The following GRM7 variants were observed in gnomAD, a reference collection of about 807,000 sequenced individuals.
GRM7 encodes metabotropic glutamate receptor 7.
A neutral mutation model predicts 84.5 loss-of-function variants in GRM7; 35 were observed. That is an observed-to-expected ratio of 0.41 (90% CI 0.32 to 0.55). The LOEUF (loss-of-function observed/expected upper bound fraction) is 0.55. Ranked by LOEUF, GRM7 falls within the 20% of genes least tolerant of loss-of-function variation. The pLI, the probability that GRM7 is intolerant of heterozygous loss-of-function variation, is 0.19. For synonymous variants in GRM7, 487 were observed against 455.1 expected (o/e 1.07, Z -0.89); for missense variants, 1,003 against 1,194.6 (o/e 0.84, Z 2.36).
chr3:7,571,711 T>G (rs1694670751), intron 7 of GRM7, among the ~76,000 whole-genome samples: 1 of 152,168 alleles, frequency 6.6e-6, no homozygotes, highest in Non-Finnish European at 1.5e-5. Context: ...CTTCCACATT[T>G]TCAGGTATCT....
chr3:7,312,252 C>T (rs1159927136), intron 4 of GRM7, among the ~76,000 whole-genome samples: 2 of 152,136 alleles, frequency 1.3e-5, no homozygotes, highest in Non-Finnish European at 2.9e-5. Flanking sequence ...TCTGACACCA[C>T]ATGCGGTGTC....
intron 4 of GRM7, among the ~76,000 whole-genome samples, chr3:7,338,687 TCACTGGAC>T (rs1701521068): frequency 6.6e-6 from 1 of 152,062 alleles, no homozygotes; most frequent in South Asian, 2.1e-4. Context: ...TGTATTGAGA[TCACTGGAC>T]CACTGGTATT....
intron 4 of GRM7, among the ~76,000 whole-genome samples, chr3:7,381,351 T>G (rs1302328408): frequency 6.6e-6 from 1 of 152,188 alleles, no homozygotes; most frequent in African/African-American, 2.4e-5. Context: ...CCCTACTCAT[T>G]AATATATTCT....
At chr3:6,921,253 G>A (rs1426050191) in intron 1 of GRM7, among the ~76,000 whole-genome samples, 1 of 152,202 alleles carries the variant, frequency 6.6e-6, no homozygotes, top group Non-Finnish European at 1.5e-5. Flanking sequence ...ATCCGAAAGA[G>A]CAGCTGCAAG....
intron 2 of GRM7, among the ~76,000 whole-genome samples, chr3:7,232,487 G>C (rs933066557): frequency 2.0e-5 from 3 of 152,066 alleles, no homozygotes; most frequent in African/African-American, 7.2e-5. Context: ...GGAGGAAATG[G>C]GCTGAAGTAT....
chr3:7,052,659 T>C (rs1026257182), intron 1 of GRM7, among the ~76,000 whole-genome samples: 1 of 151,502 alleles, frequency 6.6e-6, no homozygotes, highest in Middle Eastern at 3.2e-3. Flanking sequence ...TATTTGTGTC[T>C]GACTTCTTTT....
intron 2 of GRM7, among the ~76,000 whole-genome samples, chr3:7,247,196 T>C (rs1019865051): frequency 1.3e-5 from 2 of 152,120 alleles, no homozygotes. Flanking sequence ...TATGAAGTTT[T>C]AGGAAAAAAT....
At chr3:7,162,729 ATTTTTTTTTTTTTTTTTTTTTTTT>A (rs71063284) in intron 2 of GRM7, among the ~76,000 whole-genome samples, 1,274 of 54,660 alleles carry the variant, frequency 0.023, 19 homozygotes, top group Admixed American at 0.031. Context: ...CCCATTTTTC[ATTTTTTTTTTTTTTTTTTTTTTTT>A]TTTTTTTTTT....
At chr3:7,035,604 C>T (rs765810784) in intron 1 of GRM7, among the ~76,000 whole-genome samples, 1 of 152,170 alleles carries the variant, frequency 6.6e-6, no homozygotes, top group Non-Finnish European at 1.5e-5. Context: ...ATCTGCCTTC[C>T]GTTAAGCCTA....
intron 2 of GRM7, among the ~76,000 whole-genome samples, chr3:7,208,865 C>G (rs1009123411): frequency 4.6e-5 from 7 of 152,274 alleles, no homozygotes; most frequent in Admixed American, 6.5e-5. Context: ...AATAGATAAG[C>G]AATCACGTGA....
At chr3:7,105,817 T>C (rs1692610940) in intron 1 of GRM7, among the ~76,000 whole-genome samples, 1 of 151,868 alleles carries the variant, frequency 6.6e-6, no homozygotes, top group Non-Finnish European at 1.5e-5. Flanking sequence ...TTTGAGATTT[T>C]TAAGATGAAA....
rs185435417 is a variant in GRM7, at chr3:7,371,163, A to T, written c.1034-43860A>T. On this transcript the variant is annotated intron_variant, in intron 4 of 9. Transcript: ENST00000357716. Reference sequence around the variant, plus strand: ...AAATTCTGTAGTAAAGGACCATTTTAAAAAAACATAGATTGCAGACCACAA... The same window carrying T: ...AAATTCTGTAGTAAAGGACCATTTTTAAAAAACATAGATTGCAGACCACAA... 1.9e-3 allele frequency among the ~76,000 whole-genome samples: 290 copies of T among 150,504 alleles called. 1 individual carries two copies. Among genetic ancestry groups the T allele is most frequent in the East Asian group, 1.7e-3 (9 of 5,172 alleles).
chr3:7,564,801 A>G (rs1175672621), intron 7 of GRM7, among the ~76,000 whole-genome samples: 1 of 152,144 alleles, frequency 6.6e-6, no homozygotes, highest in Non-Finnish European at 1.5e-5. Context: ...GGCCATACTT[A>G]CTAGAGGCGA....
At chr3:7,198,578 C>A (rs985093204) in intron 2 of GRM7, among the ~76,000 whole-genome samples, 2 of 152,158 alleles carry the variant, frequency 1.3e-5, no homozygotes, top group African/African-American at 4.8e-5. Flanking sequence ...TACTGGACAC[C>A]ATACATTAGC....
intron 4 of GRM7, among the ~76,000 whole-genome samples, chr3:7,313,718 C>A (rs1275763267): frequency 6.6e-6 from 1 of 151,994 alleles, no homozygotes; most frequent in East Asian, 1.9e-4. Context: ...ATATTTATCA[C>A]CACAGGAAAT....
rs147732682 is a variant in GRM7, at chr3:7,042,631, T to C, written c.520-103821T>C. ...ACACTTTTAATTTTATCTGGAGTAT[T>C]TTTTTCTTTGGCATTTTAGTTTTGC... On this transcript the variant is annotated intron_variant, in intron 1 of 9. Coordinates refer to ENST00000357716, the MANE Select transcript of GRM7 (RefSeq NM_000844.4). Among the ~76,000 whole-genome samples, 674 of 151,904 alleles carry C rather than the reference T, an allele frequency of 4.4e-3. 6 individuals are homozygous for C. Among genetic ancestry groups the C allele is most frequent in the African/African-American group, 0.015 (629 of 41,372 alleles).
At chr3:7,405,102 G>A (rs1016828965) in intron 4 of GRM7, among the ~76,000 whole-genome samples, 2 of 152,108 alleles carry the variant, frequency 1.3e-5, no homozygotes, top group Admixed American at 6.5e-5. Context: ...GGGCATAGTA[G>A]TCACCTACAC....
Position 7,190,709 on chromosome 3 carries a change from A to T in GRM7, c.736+44041A>T, listed in dbSNP as rs181500938. On this transcript the variant is annotated intron_variant, in intron 2 of 9. Coordinates refer to ENST00000357716, the MANE Select transcript of GRM7 (RefSeq NM_000844.4). Reference sequence around the variant, plus strand: ...CCTACAAGCAGTTTAATATATATATATTTTTTCTTAAAATCATGGTGTCCT... The same window carrying T: ...CCTACAAGCAGTTTAATATATATATTTTTTTTCTTAAAATCATGGTGTCCT... 1.8e-3 allele frequency among the ~76,000 whole-genome samples: 278 copies of T among 152,036 alleles called. 5 individuals carry two copies. The South Asian group carries it at 0.028, about 15-fold the overall frequency.
chr3:6,958,028 A>T (rs547826398), intron 1 of GRM7, among the ~76,000 whole-genome samples: 1 of 152,286 alleles, frequency 6.6e-6, no homozygotes, highest in East Asian at 1.9e-4. Context: ...TAAAATTTAC[A>T]TGTAATACAC....
Sources: gnomAD v4.1 joint callset for allele counts (sites outside exome capture counted in the v4.1 genomes callset) on GRCh38, gnomAD v4.1.1 for gene constraint, MANE v1.5 for transcripts, NCBI Gene and HGNC (gene_info 2026-07-23, HGNC 2026-07-21) for gene names.